Variants in ADGRA3 observed in about 807,000 individuals in gnomAD.
ADGRA3 encodes the protein adhesion G protein-coupled receptor A3.
In ADGRA3, 56 loss-of-function variants were observed where a neutral mutation model predicts 119.8. That is an observed-to-expected ratio of 0.47 (90% CI 0.38 to 0.58). The LOEUF is 0.58. Among genes scored for constraint, ADGRA3 ranks in the 20% least tolerant of loss-of-function variants. The pLI, the probability that ADGRA3 is intolerant of heterozygous loss-of-function variation, is 0.00. For synonymous variants in ADGRA3, 607 were observed against 623.8 expected (o/e 0.97, Z 0.40); for missense variants, 1,516 against 1,649.0 (o/e 0.92, Z 1.40).
rs1397353636 is a variant in ADGRA3 at position 22,414,393 on chromosome 4, T to C, written c.1810-579A>G. The C allele has an allele frequency of 8.7e-6, 4 of 460,762 alleles. No individual in the cohort carries two copies. The South Asian group carries it at 1.6e-4, about 18-fold the overall frequency. The allele number at this position is 460,762 out of a possible 1,614,324, so 28.5% of individuals were successfully genotyped here. A position where few individuals can be genotyped will look rare whatever the true frequency, so the allele number is the denominator to read the frequency against. On this transcript the variant is annotated intron_variant, in intron 12 of 18. Transcript: ENST00000334304. ...AAAAATAATAACACATAGGAACAAC[T>C]GAAAATGCTGACTGATCACTGAATT...
intron 3 of ADGRA3, chr4:22,455,709 T>C (rs1204849504): frequency 7.6e-6 from 5 of 655,174 alleles, no homozygotes; most frequent in Non-Finnish European, 1.1e-5. Flanking sequence ...TCAAGGACAA[T>C]GAACACAATT....
chr4:22,485,720 G>A (rs773284591), intron 1 of ADGRA3, among the ~76,000 whole-genome samples: 12 of 152,278 alleles, frequency 7.9e-5, no homozygotes, highest in Middle Eastern at 6.8e-3. Flanking sequence ...CCTCATATCC[G>A]TGGAGATGGA....
At chr4:22,458,866 G>A (rs1157501461) in intron 3 of ADGRA3, among the ~76,000 whole-genome samples, 1 of 152,142 alleles carries the variant, frequency 6.6e-6, no homozygotes, top group Non-Finnish European at 1.5e-5. Flanking sequence ...GAAGAAAACT[G>A]ATTAGTAGCA....
chr4:22,435,321 T>A lies in ADGRA3; in HGVS notation c.1433A>T (p.Lys478Ile). 6.2e-7 allele frequency: 1 copy of A among 1,612,790 alleles called. No individual in the cohort carries two copies. Among genetic ancestry groups the A allele is most frequent in the East Asian group, 2.2e-5 (1 of 44,858 alleles). ...EKFGRFTKEE[K>I]SKELGDVMVD... is the part of the protein sequence containing the mutation. ...AATTTAGAGAAGTACCTCTTTTGAT[T>A]TTTCCTCCTTGGTAAATCTTCCAAA... is the stretch of plus-strand genomic sequence containing the variant. The change falls in exon 10 of 19, where the codon AAA (lysine) becomes ATA (isoleucine). Residue 478 changes from lysine to isoleucine, a missense_variant. Coordinates refer to ENST00000334304, the MANE Select transcript of ADGRA3 (RefSeq NM_145290.4).
At position 22,507,705 on chromosome 4, in the gene ADGRA3, C is replaced by T. The variant is rs28426972; in HGVS notation, c.257+7823G>A. 8.6e-3 allele frequency among the ~76,000 whole-genome samples: 1,307 copies of T among 152,278 alleles called. 17 individuals are homozygous for T. The highest frequency in any genetic ancestry group is 0.03 in the African/African-American group (1,258 of 41,552). ...GTGATAAGCAACCCTGTCATCATAT[C>T]AGAAAAGCTTACAACTTGCATTCAT... On this transcript the variant is annotated intron_variant, in intron 1 of 18. Transcript: ENST00000334304.
chr4:22,500,389 C>G (rs541482387), intron 1 of ADGRA3, among the ~76,000 whole-genome samples: 66 of 152,292 alleles, frequency 4.3e-4, no homozygotes, highest in Middle Eastern at 3.4e-3. Context: ...GCTGTTTTAG[C>G]AATCAGGTGA....
chr4:22,505,062 G>A (rs536639113), intron 1 of ADGRA3, among the ~76,000 whole-genome samples: 10 of 152,220 alleles, frequency 6.6e-5, no homozygotes, highest in African/African-American at 1.7e-4. Context: ...AGTGCAAAGC[G>A]CTCTGGCCAG....
At chr4:22,446,091 T>C in intron 5 of ADGRA3, among the ~76,000 whole-genome samples, 1 of 152,202 alleles carries the variant, frequency 6.6e-6, no homozygotes, top group Non-Finnish European at 1.5e-5. Flanking sequence ...AGTGCAATAA[T>C]GTTTAAGTGT....
chr4:22,497,656 T>C (rs1021030322), intron 1 of ADGRA3, among the ~76,000 whole-genome samples: 1 of 148,230 alleles, frequency 6.7e-6, no homozygotes, highest in African/African-American at 2.5e-5. Context: ...ACCCTGTCTC[T>C]ACTAAAATCC....
At position 22,424,149 on chromosome 4, in the gene ADGRA3, T is replaced by C. The variant is rs375579803; in HGVS notation, c.1605+42A>G. On this transcript the variant is annotated intron_variant, in intron 11 of 18. Coordinates refer to ENST00000334304, the MANE Select transcript of ADGRA3 (RefSeq NM_145290.4). ...TCTTTCGGGTGAGAGCTGTGTGAAATGCACTTTTTTTCTCAGGAGTCTATG... is the reference window on the plus strand; with the variant it reads ...TCTTTCGGGTGAGAGCTGTGTGAAACGCACTTTTTTTCTCAGGAGTCTATG... 2.7e-5 allele frequency: 42 copies of C among 1,555,776 alleles called. No homozygotes were observed. In the African/African-American group the frequency reaches 5.4e-4, roughly 20 times the overall value.
At position 22,447,467 on chromosome 4, in the gene ADGRA3, A is replaced by G. The variant is rs2109080751; in HGVS notation, c.518T>C (p.Phe173Ser). The change falls in exon 5 of 19, where the codon TTT (phenylalanine) becomes TCT (serine). Residue 173 changes from phenylalanine to serine, a missense_variant. Physicochemically the swap from Phe to Ser is radical, Grantham distance 155. Transcript: ENST00000334304. ...AGACCGTAATGACGCAAGATAATCAAAAGTTCCTTGAGATAATGAAGAAAA... is the reference window on the plus strand; with the variant it reads ...AGACCGTAATGACGCAAGATAATCAGAAGTTCCTTGAGATAATGAAGAAAA... ...NLFSSLSQGTFDYLASLRSLE... is the reference protein window; with the variant it reads ...NLFSSLSQGTSDYLASLRSLE... 4.4e-6 allele frequency: 7 copies of G among 1,579,892 alleles called. No individual in the cohort carries two copies. In the East Asian group the frequency reaches 1.6e-4, roughly 36 times the overall value.
At chr4:22,469,747 G>A (rs1367720568) in intron 2 of ADGRA3, among the ~76,000 whole-genome samples, 1 of 152,288 alleles carries the variant, frequency 6.6e-6, no homozygotes, top group South Asian at 2.1e-4. Context: ...TCTCTAAACA[G>A]AGTATGAGCT....
At chr4:22,457,625 T>C (rs1409111801) in intron 3 of ADGRA3, among the ~76,000 whole-genome samples, 1 of 152,214 alleles carries the variant, frequency 6.6e-6, no homozygotes, top group African/African-American at 2.4e-5. Flanking sequence ...ACTAAGGCAA[T>C]GCCTGGTACA....
In ADGRA3 at chr4:22,515,719, T is replaced by C; in HGVS notation, c.66A>G (p.Leu22=). Residue 22 remains leucine, a synonymous_variant, in exon 1 of 19, where the codon TTA becomes TTG. Transcript: ENST00000334304. ...CGCCTCCCAGCAGCGCGAGCAGCGC[T>C]AACAGCGAGAGCGGCAGCAACAGCG... ...QPPLLLPLSL[L]ALLALLGGGG... 2 of 1,060,502 alleles carry C rather than the reference T, an allele frequency of 1.9e-6. No homozygotes were observed. Among genetic ancestry groups the C allele is most frequent in the Non-Finnish European group, 2.3e-6 (2 of 884,548 alleles). The allele number at this position is 1,060,502 out of a possible 1,614,324, so 65.7% of individuals were successfully genotyped here.
chr4:22,454,543 A>G (rs568313728), intron 4 of ADGRA3, among the ~76,000 whole-genome samples: 1 of 152,016 alleles, frequency 6.6e-6, no homozygotes, highest in Non-Finnish European at 1.5e-5. Context: ...ACATTTTACT[A>G]TTTCCTAGAA....
At chr4:22,405,877 A>G (rs1714899612) in intron 14 of ADGRA3, among the ~76,000 whole-genome samples, 1 of 152,210 alleles carries the variant, frequency 6.6e-6, no homozygotes, top group African/African-American at 2.4e-5. Context: ...TGATAACTAT[A>G]GTCACTCTGC....
intron 3 of ADGRA3, 32 bp from the exon 4 acceptor site, chr4:22,454,969 T>C (rs370371642): frequency 2.7e-6 from 4 of 1,507,072 alleles, no homozygotes; most frequent in African/African-American, 2.8e-5. Flanking sequence ...TGTCTTCAAT[T>C]AGTTCTCTTG....
Position 22,404,010 on chromosome 4 carries a change from G to A in ADGRA3, c.2233-1211C>T, listed in dbSNP as rs192341328. Among the ~76,000 whole-genome samples, 83 of 152,224 alleles carry A rather than the reference G, an allele frequency of 5.5e-4. 1 individual carries two copies. Among genetic ancestry groups the A allele is most frequent in the African/African-American group, 1.8e-3 (74 of 41,556 alleles). ...TGCCTCTCCGAAATGAAAACAATGG[G>A]CATCTTAATGCTACTCTCTTTATAA... On this transcript the variant is annotated intron_variant, in intron 14 of 18. Transcript: ENST00000334304.
At chr4:22,485,129 C>T (rs777542390) in intron 1 of ADGRA3, among the ~76,000 whole-genome samples, 4 of 152,144 alleles carry the variant, frequency 2.6e-5, no homozygotes, top group Admixed American at 1.3e-4. Flanking sequence ...TCACCCACGC[C>T]GGCGTGAAGT....
Sources: allele counts gnomAD v4.1 joint callset (sites outside exome capture counted in the v4.1 genomes callset), GRCh38; gene constraint gnomAD v4.1.1; transcripts MANE v1.5; gene names NCBI Gene and HGNC (gene_info 2026-07-23, HGNC 2026-07-21).